Variants in TMEM131L observed in about 807,000 individuals in gnomAD.
TMEM131L encodes transmembrane 131 like.
A neutral mutation model predicts 192.2 loss-of-function variants in TMEM131L; 54 were observed. The ratio of observed to expected loss-of-function variants is 0.28; its 90% CI spans 0.23 to 0.35. The LOEUF (loss-of-function observed/expected upper bound fraction) is 0.35. Ranked by LOEUF, TMEM131L falls within the 10% of genes least tolerant of loss-of-function variation. The pLI is 1.00. For synonymous variants in TMEM131L, 701 were observed against 704.9 expected (o/e 0.99, Z 0.09); for missense variants, 1,888 against 1,972.9 (o/e 0.96, Z 0.82).
rs140157649 is a variant in TMEM131L, at chr4:153,586,727, A to G, written c.1482+348A>G. On this transcript the variant is annotated intron_variant, in intron 14 of 34. Coordinates refer to ENST00000409959, the MANE Select transcript of TMEM131L (RefSeq NM_001131007.2). ...TGGCTTTTAGTACATACTTGCAATG[A>G]CTTAATAAATTAAATTGTTAAATGC... is the stretch of plus-strand genomic sequence containing the variant. 4.6e-3 allele frequency among the ~76,000 whole-genome samples: 699 copies of G among 152,308 alleles called. 8 individuals carry two copies. The highest frequency in any genetic ancestry group is 0.015 in the African/African-American group (639 of 41,574).
intron 32 of TMEM131L, among the ~76,000 whole-genome samples, chr4:153,633,973 G>A (rs1197844112): frequency 6.6e-6 from 1 of 152,192 alleles, no homozygotes; most frequent in Non-Finnish European, 1.5e-5. Flanking sequence ...AAAAACAAGT[G>A]TGCTCCTAGT....
rs187927560 is a variant in TMEM131L at position 153,511,247 on chromosome 4, G to A, written c.239+37359G>A. Among the ~76,000 whole-genome samples, 134 of 152,290 alleles carry A rather than the reference G, an allele frequency of 8.8e-4. 1 individual carries two copies. Among genetic ancestry groups the A allele is most frequent in the Non-Finnish European group, 1.7e-3 (116 of 68,030 alleles). ...GAATCAACCTAAATGCTCATCAATG[G>A]TAGACTGCCTAAAGAAAATGTGGTA... is the stretch of plus-strand genomic sequence containing the variant. On this transcript the variant is annotated intron_variant, in intron 3 of 34. Transcript: ENST00000409959.
chr4:153,526,462 C>T (rs1187826071), intron 3 of TMEM131L, among the ~76,000 whole-genome samples: 2 of 152,038 alleles, frequency 1.3e-5, no homozygotes, highest in African/African-American at 4.8e-5. Flanking sequence ...TGGCCGGGCA[C>T]GGTGGCTCAC....
At chr4:153,596,481 C>T (rs1266697122) in intron 20 of TMEM131L, 96 bp downstream of exon 20, 2 of 1,447,596 alleles carry the variant, frequency 1.4e-6, no homozygotes, top group Middle Eastern at 1.9e-4. Context: ...CTCAGTCAGA[C>T]CTTCAGGATG....
intron 3 of TMEM131L, among the ~76,000 whole-genome samples, chr4:153,545,290 C>CTTTTTTTTTTT (rs59852943): frequency 5.3e-5 from 7 of 132,326 alleles, no homozygotes; most frequent in East Asian, 2.5e-4. Flanking sequence ...CTTTTTCAAA[C>CTTTTTTTTTTT]TTTTTTTTTT....
At position 153,621,861 on chromosome 4, in the gene TMEM131L, T is replaced by C. The variant is rs770015546; in HGVS notation, c.3859+12T>C. On this transcript the variant is annotated intron_variant, in intron 28 of 34. Coordinates refer to ENST00000409959, the MANE Select transcript of TMEM131L (RefSeq NM_001131007.2). ...CCAGAGAGAGGCAGGTATGTAATGATACTGAGCTACAAATGGTGCTTCTGT... is the reference window on the plus strand; with the variant it reads ...CCAGAGAGAGGCAGGTATGTAATGACACTGAGCTACAAATGGTGCTTCTGT... 1 of 1,612,842 alleles carries C rather than the reference T, an allele frequency of 6.2e-7. No individual in the cohort carries two copies. The highest frequency in any genetic ancestry group is 8.5e-7 in the Non-Finnish European group (1 of 1,179,192).
At chr4:153,634,412 A>G (rs1734431546) in intron 33 of TMEM131L, 132 bp downstream of exon 33, 5 of 704,642 alleles carry the variant, frequency 7.1e-6, no homozygotes, top group South Asian at 6.7e-5. Flanking sequence ...AGACTGCCGA[A>G]TGGCTTCATG....
At chr4:153,535,909 G>C (rs1054260806) in intron 3 of TMEM131L, among the ~76,000 whole-genome samples, 1 of 151,848 alleles carries the variant, frequency 6.6e-6, no homozygotes, top group Non-Finnish European at 1.5e-5. Flanking sequence ...TACTTGTCAC[G>C]GCAACGGCAG....
intron 2 of TMEM131L, among the ~76,000 whole-genome samples, chr4:153,470,833 G>A (rs114390686): frequency 0.015 from 2,315 of 152,264 alleles, 67 homozygotes; most frequent in African/African-American, 0.053. Flanking sequence ...CCCACCCTTG[G>A]CCAAGCATGT....
In TMEM131L at chr4:153,622,948, G is replaced by A. The variant is rs373363345; in HGVS notation, c.3910G>A (p.Asp1304Asn). The A allele has an allele frequency of 1.9e-5, 31 of 1,614,130 alleles. No individual in the cohort carries two copies. In the African/African-American group the frequency reaches 2.0e-4, roughly 10 times the overall value. The change falls in exon 29 of 35, where the codon GAT (aspartate) becomes AAT (asparagine). Residue 1304 changes from aspartate to asparagine, a missense_variant. Physicochemically the swap from Asp to Asn is conservative, Grantham distance 23. Transcript: ENST00000409959. Reference protein sequence around the residue: ...EKKCVDKFCSDSSSDCGSSSG... With the variant: ...EKKCVDKFCSNSSSDCGSSSG... ...GAAATGTGTGGACAAGTTCTGCTCC[G>A]ATTCCAGCTCTGACTGTGGGAGCTC...
At chr4:153,591,346 G>T (rs1731054771) in intron 17 of TMEM131L, 152 bp downstream of exon 17, 1 of 601,682 alleles carries the variant, frequency 1.7e-6, no homozygotes. Flanking sequence ...ACTCTAAACA[G>T]ACTGAAAATG....
At position 153,545,290 on chromosome 4, in the gene TMEM131L, C is replaced by CTTTTTTTTTTTTTTTTTTTTTTT. The variant is rs59852943; in HGVS notation, c.240-4768_240-4767insTTTTTTTTTTTTTTTTTTTTTTT. Among the ~76,000 whole-genome samples the CTTTTTTTTTTTTTTTTTTTTTTT allele has an allele frequency of 2.1e-4, 28 of 132,312 alleles. 1 individual carries two copies. The highest frequency in any genetic ancestry group is 1.3e-3 in the East Asian group (5 of 3,952). 86.8% of individuals were successfully genotyped at this position (132,312 alleles called of 152,430 possible). On this transcript the variant is annotated intron_variant, in intron 3 of 34. Transcript: ENST00000409959. The stretch of plus-strand genomic sequence containing the variant: ...CTCTTGTATCAGCCACTTTTTCAAA[C>CTTTTTTTTTTTTTTTTTTTTTTT]TTTTTTTTTTTTTTTGAGATGGAGT...
At chr4:153,519,135 C>T (rs1463803145) in intron 3 of TMEM131L, among the ~76,000 whole-genome samples, 1 of 152,138 alleles carries the variant, frequency 6.6e-6, no homozygotes, top group Non-Finnish European at 1.5e-5. Flanking sequence ...CATGAGAAGT[C>T]TTATGAGCAT....
chr4:153,618,866 C>T (rs886168524), intron 26 of TMEM131L, among the ~76,000 whole-genome samples: 25 of 152,244 alleles, frequency 1.6e-4, no homozygotes, highest in African/African-American at 6.0e-4. Flanking sequence ...CACTTTCCCT[C>T]CCTGTTCTAC....
intron 19 of TMEM131L, among the ~76,000 whole-genome samples, chr4:153,594,250 C>G (rs1020545750): frequency 6.6e-6 from 1 of 152,094 alleles, no homozygotes. Flanking sequence ...AAAATCTTCT[C>G]TTACTAAACT....
intron 7 of TMEM131L, among the ~76,000 whole-genome samples, chr4:153,577,337 G>A (rs1730021024): frequency 1.3e-5 from 2 of 152,212 alleles, no homozygotes; most frequent in South Asian, 2.1e-4. Flanking sequence ...TTGTATATGG[G>A]TAAATTCACT....
Position 153,586,290 on chromosome 4 carries a change from G to A in TMEM131L, c.1393G>A (p.Ala465Thr), listed in dbSNP as rs983299390. 1.2e-6 allele frequency: 2 copies of A among 1,603,914 alleles called. No homozygotes were observed. Among genetic ancestry groups the A allele is most frequent in the East Asian group, 2.3e-5 (1 of 44,300 alleles). Residue 465 changes from alanine to threonine, a missense_variant, in exon 14 of 35, where the codon GCC becomes ACC. By Grantham distance (58) the Ala-to-Thr change is moderately conservative. Coordinates refer to ENST00000409959, the MANE Select transcript of TMEM131L (RefSeq NM_001131007.2). ...TTTGAAACTTGCTGTTAAAGACATT[G>A]CCATAAATCTATTCACCAATGTATT... is the stretch of plus-strand genomic sequence containing the variant. ...FSLKLAVKDI[A>T]INLFTNVFLT...
chr4:153,597,228 T>A (rs970563946), intron 20 of TMEM131L, among the ~76,000 whole-genome samples: 2 of 151,872 alleles, frequency 1.3e-5, no homozygotes, highest in Admixed American at 1.3e-4. Context: ...CCTGTTGACT[T>A]AGTGTTTCTT....
chr4:153,531,204 AAC>A (rs1389421257), intron 3 of TMEM131L, among the ~76,000 whole-genome samples: 2 of 152,098 alleles, frequency 1.3e-5, no homozygotes, highest in East Asian at 2.0e-4. Flanking sequence ...CTATTCCTCA[AAC>A]ACAGATTCCT....
Sources: allele counts gnomAD v4.1 joint callset (sites outside exome capture counted in the v4.1 genomes callset), GRCh38; gene constraint gnomAD v4.1.1; transcripts MANE v1.5; gene names NCBI Gene and HGNC (gene_info 2026-07-23, HGNC 2026-07-21).